Variants in SPMIP4 observed in about 807,000 individuals in gnomAD.
The protein encoded by SPMIP4 is sperm-associated microtubule inner protein 4.
At chr7:25,161,132 T>A in the SPMIP4 span, 4 of 1,037,408 alleles carry the variant, frequency 3.9e-6, no homozygotes, top group South Asian at 6.5e-5. Flanking sequence ...CTCATATAAC[T>A]CATTTCCACT....
the SPMIP4 span, among the ~76,000 whole-genome samples, chr7:25,156,385 T>C: frequency 3.3e-5 from 5 of 152,116 alleles, no homozygotes; most frequent in Non-Finnish European, 7.4e-5. Context: ...CCAAGAAATA[T>C]GACCTAACAA....
the SPMIP4 span, among the ~76,000 whole-genome samples, chr7:25,146,412 T>C: frequency 6.6e-6 from 1 of 152,208 alleles, no homozygotes; most frequent in Non-Finnish European, 1.5e-5. Flanking sequence ...CACAGGGTGC[T>C]GGCAGTCATG....
At chr7:25,161,277 G>T in the SPMIP4 span, 3 of 1,375,962 alleles carry the variant, frequency 2.2e-6, no homozygotes, top group East Asian at 2.4e-5. Context: ...AGAAAGAAAA[G>T]ATTAAATTAA....
At chr7:25,127,690 T>C in the SPMIP4 span, among the ~76,000 whole-genome samples, 1 of 152,142 alleles carries the variant, frequency 6.6e-6, no homozygotes. Context: ...TGGTCACTTG[T>C]GCCTTCATTA....
At chr7:25,136,262 CTTGT>C in the SPMIP4 span, 2 of 1,613,990 alleles carry the variant, frequency 1.2e-6, no homozygotes, top group Middle Eastern at 1.6e-4. The surrounding 1 kb of genome is among the most constrained non-coding windows in gnomAD (Gnocchi z 5.7). Flanking sequence ...GCTTCCGTGT[CTTGT>C]TTATTTTGTA....
At chr7:25,125,803 T>A in the SPMIP4 span, 1 of 569,400 alleles carries the variant, frequency 1.8e-6, no homozygotes, top group Non-Finnish European at 2.2e-6. Context: ...AACAGCATCC[T>A]AGAGGGACAG....
chr7:25,170,667 T>A, the SPMIP4 span, among the ~76,000 whole-genome samples: 1 of 152,254 alleles, frequency 6.6e-6, no homozygotes, highest in Admixed American at 6.5e-5. Flanking sequence ...GTTTAGCCCT[T>A]ACGCTTAGGT....
At chr7:25,141,574 G>GAAAAAAAAAAAAAAAA in the SPMIP4 span, among the ~76,000 whole-genome samples, 1 of 94,962 alleles carries the variant, frequency 1.1e-5, no homozygotes, top group Non-Finnish European at 2.0e-5. Context: ...CTGTCTCAAG[G>GAAAAAAAAAAAAAAAA]AAAAAAAAAA....
the SPMIP4 span, among the ~76,000 whole-genome samples, chr7:25,133,847 TTA>T: frequency 1.3e-5 from 2 of 152,180 alleles, no homozygotes; most frequent in Non-Finnish European, 2.9e-5. Flanking sequence ...GCTCTATATA[TTA>T]TGTTCTTTTG....
the SPMIP4 span, chr7:25,136,343 T>G: frequency 1.4e-4 from 232 of 1,614,104 alleles, no homozygotes; most frequent in Admixed American, 3.8e-4. This position sits in a 1 kb window ranked among gnomAD's most constrained non-coding sequence, Gnocchi z 5.7. Flanking sequence ...AGGGGAGATT[T>G]AAGATTTTCA....
the SPMIP4 span, among the ~76,000 whole-genome samples, chr7:25,132,719 G>A: frequency 6.6e-6 from 1 of 152,084 alleles, no homozygotes; most frequent in Non-Finnish European, 1.5e-5. The surrounding 1 kb of genome is among the most constrained non-coding windows in gnomAD (Gnocchi z 5.0). Context: ...ACTTATCTGT[G>A]TATATAAAGG....
At chr7:25,136,313 A>G in the SPMIP4 span, 1 of 1,614,216 alleles carries the variant, frequency 6.2e-7, no homozygotes, top group East Asian at 2.2e-5. This position sits in a 1 kb window ranked among gnomAD's most constrained non-coding sequence, Gnocchi z 5.7. Flanking sequence ...GGGTCTGGAC[A>G]CATATTATAC....
chr7:25,173,050 GGA>G, the SPMIP4 span, among the ~76,000 whole-genome samples: 43 of 150,882 alleles, frequency 2.8e-4, no homozygotes, highest in Middle Eastern at 6.8e-3. This position sits in a 1 kb window ranked among gnomAD's most constrained non-coding sequence, Gnocchi z 4.4. Flanking sequence ...AAAAAGGGAG[GGA>G]GAGAGAGGGG....
the SPMIP4 span, among the ~76,000 whole-genome samples, chr7:25,127,177 A>G: frequency 6.6e-6 from 1 of 151,998 alleles, no homozygotes; most frequent in African/African-American, 2.4e-5. Context: ...CGTTGGGTTA[A>G]ATCTGCTTGG....
chr7:25,163,186 G>A, the SPMIP4 span, among the ~76,000 whole-genome samples: 1 of 152,160 alleles, frequency 6.6e-6, no homozygotes, highest in African/African-American at 2.4e-5. The surrounding 1 kb of genome is among the most constrained non-coding windows in gnomAD (Gnocchi z 4.4). Flanking sequence ...AATAATCTAT[G>A]ATGCATCCGT....
At chr7:25,151,448 C>T in the SPMIP4 span, 183 of 552,196 alleles carry the variant, frequency 3.3e-4, 1 homozygote, top group Middle Eastern at 2.9e-3. Flanking sequence ...GTCTCAAACT[C>T]CTGACCTCAA....
At chr7:25,147,181 G>C in the SPMIP4 span, among the ~76,000 whole-genome samples, 1 of 152,104 alleles carries the variant, frequency 6.6e-6, no homozygotes, top group Admixed American at 6.6e-5. Context: ...GTGGGCTTAG[G>C]TACTCTGGAG....
chr7:25,145,324 G>A, the SPMIP4 span, among the ~76,000 whole-genome samples: 1 of 152,144 alleles, frequency 6.6e-6, no homozygotes, highest in Admixed American at 6.5e-5. Flanking sequence ...ATCTTACACT[G>A]GTTGAACTAA....
At chr7:25,129,871 G>A in the SPMIP4 span, among the ~76,000 whole-genome samples, 1 of 151,910 alleles carries the variant, frequency 6.6e-6, no homozygotes, top group Non-Finnish European at 1.5e-5. Context: ...TTATCAGAGG[G>A]CCAGCCAAGC....
Sources: allele counts gnomAD v4.1 joint callset (sites outside exome capture counted in the v4.1 genomes callset), GRCh38; gene constraint gnomAD v4.1.1; non-coding constraint Gnocchi (gnomAD v3.1); transcripts MANE v1.5; gene names NCBI Gene and HGNC (gene_info 2026-07-23, HGNC 2026-07-21).